The following CSN1S1 variants were observed in gnomAD, a reference collection of about 807,000 sequenced individuals.
The protein encoded by CSN1S1 is casein alpha s1, also known as alpha-S1-casein.
In CSN1S1, 63 loss-of-function variants were observed where a neutral mutation model predicts 49.1. The observed-to-expected ratio is 1.28, with a 90% CI of 1.05 to 1.58. CSN1S1 has a LOEUF of 1.58. Among genes scored for constraint, CSN1S1 ranks in the 40% most tolerant of loss-of-function variants. The pLI is 0.00. For synonymous variants in CSN1S1, 78 were observed against 67.1 expected, an observed-to-expected ratio of 1.16 and a Z score of -0.79; for missense variants, 260 against 224.7, an observed-to-expected ratio of 1.16 and a Z score of -1.01.
At position 69,941,054 on chromosome 4, in the gene CSN1S1, T is replaced by C; in HGVS notation, c.336T>C (p.Leu112=). 1 of 1,490,942 alleles carries C rather than the reference T, an allele frequency of 6.7e-7. No individual in the cohort carries two copies. The highest frequency in any genetic ancestry group is 9.2e-7 in the Non-Finnish European group (1 of 1,090,024). 92.4% of individuals were successfully genotyped at this position (1,490,942 alleles called of 1,614,324 possible). Residue 112 remains leucine, a synonymous_variant, in exon 12 of 16, where the codon CTT becomes CTC. Transcript: ENST00000246891. ...GTAGACTGAACGAATACAACCAACTTCAGCTGGTAATATTTTATTCATTAT... is the reference window on the plus strand; with the variant it reads ...GTAGACTGAACGAATACAACCAACTCCAGCTGGTAATATTTTATTCATTAT... The part of the protein sequence containing the change: ...QFCRLNEYNQ[L]QLQAAHAQEQ...
chr4:69,946,499 C>A lies in CSN1S1; in HGVS notation c.*303C>A, dbSNP rs1723171517. The A allele has an allele frequency of 5.6e-6, 1 of 178,254 alleles. No homozygotes were observed. The highest frequency in any genetic ancestry group is 2.0e-4 in the South Asian group (1 of 5,070). 11.0% of individuals were successfully genotyped at this position (178,254 alleles called of 1,614,324 possible). On this transcript the variant is annotated 3_prime_UTR_variant, in exon 16 of 16. Coordinates refer to ENST00000246891, the MANE Select transcript of CSN1S1 (RefSeq NM_001890.2). Reference sequence around the variant, plus strand: ...CTTTGAATTGCCAGTTCTGTAAGTGCCATCAATTAAAATAGTTTTGTGCAG... The same window carrying A: ...CTTTGAATTGCCAGTTCTGTAAGTGACATCAATTAAAATAGTTTTGTGCAG...
chr4:69,946,158 T>C, intron 15 of CSN1S1, 38 bp from the exon 16 acceptor site: 1 of 501,382 alleles, frequency 2.0e-6, no homozygotes, highest in Admixed American at 3.7e-5. Context: ...CAAAAATATT[T>C]AATATAACTC....
chr4:69,934,311 T>C (rs920402627), intron 3 of CSN1S1, 67 bp downstream of exon 3: 4 of 1,433,030 alleles, frequency 2.8e-6, no homozygotes, highest in Non-Finnish European at 3.9e-6. Context: ...AAATGTGCGC[T>C]TCCCTTCTCT....
chr4:69,937,117 G>T lies in CSN1S1; in HGVS notation c.196-4G>T. On this transcript the variant is annotated splice_region_variant and splice_polypyrimidine_tract_variant and intron_variant, in intron 7 of 15. Coordinates refer to ENST00000246891, the MANE Select transcript of CSN1S1 (RefSeq NM_001890.2). ...CATACCTAACTGATTGACTGTCTTG[G>T]CAGGATACTAGGAATGAGTCTACTC... The T allele has an allele frequency of 1.3e-6, 2 of 1,540,994 alleles. No homozygotes were observed. The highest frequency in any genetic ancestry group is 1.8e-6 in the Non-Finnish European group (2 of 1,142,064).
intron 2 of CSN1S1, 80 bp downstream of exon 2, chr4:69,932,686 G>T: frequency 7.9e-7 from 1 of 1,270,974 alleles, no homozygotes; most frequent in South Asian, 1.3e-5. Flanking sequence ...AGGATACCCA[G>T]AGAAATAATC....
rs1723116995 is a variant in CSN1S1, at chr4:69,945,019, AT to A, written c.557+17del. On this transcript the variant is annotated intron_variant, in intron 15 of 15. Transcript: ENST00000246891. ...CTACAGTGGTGGTAAGTTCATTTAA[AT>A]TACTACATCTTGATGTTCTACCAAA... 3 of 1,610,750 alleles carry A rather than the reference AT, an allele frequency of 1.9e-6. No individual in the cohort carries two copies. Among genetic ancestry groups the A allele is most frequent in the Non-Finnish European group, 2.5e-6 (3 of 1,177,540 alleles).
At chr4:69,944,427 C>G (rs1201566711) in intron 14 of CSN1S1, among the ~76,000 whole-genome samples, 1 of 151,798 alleles carries the variant, frequency 6.6e-6, no homozygotes, top group Non-Finnish European at 1.5e-5. Flanking sequence ...GCTATGTTGA[C>G]CCTGGGTGCG....
At position 69,942,491 on chromosome 4, in the gene CSN1S1, C is replaced by G. The variant is rs1723007884; in HGVS notation, c.361-45C>G. The G allele has an allele frequency of 4.8e-6, 7 of 1,449,162 alleles. No homozygotes were observed. In the East Asian group the frequency reaches 1.7e-4, roughly 35 times the overall value. The allele number at this position is 1,449,162 out of a possible 1,614,324, so 89.8% of individuals were successfully genotyped here. A position where few individuals can be genotyped will look rare whatever the true frequency, so the allele number is the denominator to read the frequency against. Reference sequence around the variant, plus strand: ...TGCAATGTAAGATAAATGTGTTGTACCAGAAGATGTCTAAGTAATTTAGAA... The same window carrying G: ...TGCAATGTAAGATAAATGTGTTGTAGCAGAAGATGTCTAAGTAATTTAGAA... On this transcript the variant is annotated intron_variant, in intron 13 of 15. Transcript: ENST00000246891.
intron 1 of CSN1S1, 48 bp from the exon 2 acceptor site, chr4:69,932,496 A>G (rs1409987880): frequency 1.3e-6 from 2 of 1,503,992 alleles, no homozygotes; most frequent in Non-Finnish European, 1.8e-6. Flanking sequence ...CAGGAAACAA[A>G]TTTAACGTAA....
chr4:69,938,226 C>T (rs988432539), intron 9 of CSN1S1, among the ~76,000 whole-genome samples: 2 of 151,638 alleles, frequency 1.3e-5, no homozygotes, highest in African/African-American at 4.8e-5. Context: ...GATACAAGTG[C>T]ATGTATGTAT....
At chr4:69,932,645 G>A in intron 2 of CSN1S1, 39 bp downstream of exon 2, 5 of 1,526,262 alleles carry the variant, frequency 3.3e-6, no homozygotes, top group Non-Finnish European at 4.5e-6. Flanking sequence ...TTAGACTCTT[G>A]TTAGAAATGA....
At chr4:69,944,776 G>A (rs1301914587) in intron 14 of CSN1S1, 74 bp from the exon 15 acceptor site, 1 of 1,427,616 alleles carries the variant, frequency 7.0e-7, no homozygotes, top group Non-Finnish European at 9.7e-7. Flanking sequence ...TGAATGAGAT[G>A]TATTGATATT....
intron 9 of CSN1S1, among the ~76,000 whole-genome samples, chr4:69,938,027 G>A (rs1205217769): frequency 6.6e-6 from 1 of 151,786 alleles, no homozygotes; most frequent in Non-Finnish European, 1.5e-5. Flanking sequence ...ACTCAAGAAT[G>A]TACAATGTTG....
intron 15 of CSN1S1, 105 bp downstream of exon 15, chr4:69,945,109 T>C: frequency 8.3e-7 from 1 of 1,203,404 alleles, no homozygotes; most frequent in Admixed American, 2.1e-5. Flanking sequence ...ACATGGCAAA[T>C]CAATGCCTAC....
In CSN1S1 at chr4:69,941,092, T is replaced by C. The variant is rs970619481; in HGVS notation, c.342+32T>C. 3.7e-6 allele frequency: 4 copies of C among 1,070,188 alleles called. No individual in the cohort carries two copies. In the African/African-American group the frequency reaches 6.6e-5, roughly 18 times the overall value. The allele number at this position is 1,070,188 out of a possible 1,614,324, so 66.3% of individuals were successfully genotyped here. On this transcript the variant is annotated intron_variant, in intron 12 of 15. Transcript: ENST00000246891. Reference sequence around the variant, plus strand: ...TTTTATTCATTATAATACAAAATCATATTCTACTATAGAATTAAAACATAT... The same window carrying C: ...TTTTATTCATTATAATACAAAATCACATTCTACTATAGAATTAAAACATAT...
intron 8 of CSN1S1, 150 bp from the exon 9 acceptor site, chr4:69,937,650 T>TA: frequency 1.7e-6 from 1 of 585,992 alleles, no homozygotes; most frequent in East Asian, 3.3e-5. Context: ...GGCTCAGAGA[T>TA]AAAGTAGGCA....
chr4:69,934,889 C>T (rs1235458344), intron 4 of CSN1S1, among the ~76,000 whole-genome samples, 179 bp downstream of exon 4: 3 of 152,052 alleles, frequency 2.0e-5, no homozygotes, highest in African/African-American at 4.8e-5. Context: ...TATTTGACTT[C>T]TTAGCCATTT....
At chr4:69,937,733 T>C in intron 8 of CSN1S1, 67 bp from the exon 9 acceptor site, 1 of 1,222,980 alleles carries the variant, frequency 8.2e-7, no homozygotes, top group South Asian at 1.4e-5. Flanking sequence ...TTTTATTTGG[T>C]AATCATTACT....
At chr4:69,941,995 A>C in intron 12 of CSN1S1, 51 bp from the exon 13 acceptor site, 1 of 1,235,792 alleles carries the variant, frequency 8.1e-7, no homozygotes, top group Non-Finnish European at 1.1e-6. Flanking sequence ...GTTTCTTATT[A>C]ATGAGTAAAT....
Sources: allele counts gnomAD v4.1 joint callset (sites outside exome capture counted in the v4.1 genomes callset), GRCh38; gene constraint gnomAD v4.1.1; transcripts MANE v1.5; gene names NCBI Gene and HGNC (gene_info 2026-07-23, HGNC 2026-07-21).